NR1D1: variants seen among roughly 807,000 people sequenced by gnomAD.
NR1D1 encodes the protein Rev-ErbAalpha.
A neutral mutation model predicts 51.1 loss-of-function variants in NR1D1; 17 were observed. The ratio of observed to expected loss-of-function variants is 0.33; its 90% confidence interval spans 0.23 to 0.50. The LOEUF (loss-of-function observed/expected upper bound fraction) is 0.50. Among genes scored for constraint, NR1D1 ranks in the 20% least tolerant of loss-of-function variants. The probability of loss-of-function intolerance (pLI) is 0.98; values close to 1 mark genes in which losing one functional copy is unlikely to be tolerated. For synonymous variants in NR1D1, 341 were observed against 333.4 expected (o/e 1.02, Z -0.25); for missense variants, 647 against 830.4 (o/e 0.78, Z 2.71).
intron 6 of NR1D1, 79 bp from the exon 7 acceptor site, chr17:40,094,201 G>A: frequency 7.7e-7 from 1 of 1,297,454 alleles, no homozygotes. Flanking sequence ...TTGCCAGAGG[G>A]TTTAGCGGTG....
chr17:40,095,413 T>C, intron 5 of NR1D1, 31 bp downstream of exon 5: 3 of 1,513,062 alleles, frequency 2.0e-6, no homozygotes, highest in South Asian at 1.3e-5. Context: ...CCCAATCTTC[T>C]TAACGCACTC....
Position 40,093,536 on chromosome 17 carries a change from G to A in NR1D1, c.1646-254C>T. On this transcript the variant is annotated intron_variant, in intron 7 of 7. Transcript: ENST00000246672. The surrounding 1 kb of genome is among the most constrained non-coding windows in gnomAD (Gnocchi z 5.9). ...TAAGACCACCTTCCCTTCCTCAGCA[G>A]GCCAAACATGGCCAGACTCCCTTGC... The A allele has an allele frequency of 8.4e-7, 1 of 1,187,718 alleles. No individual in the cohort carries two copies. Among genetic ancestry groups the A allele is most frequent in the Non-Finnish European group, 1.2e-6 (1 of 867,996 alleles). The allele number at this position is 1,187,718 out of a possible 1,614,324, so 73.6% of individuals were successfully genotyped here. A position where few individuals can be genotyped will look rare whatever the true frequency, so the allele number is the denominator to read the frequency against.
In NR1D1 at chr17:40,100,180, G is replaced by A; in HGVS notation, c.-86C>T. The A allele has an allele frequency of 7.6e-6, 8 of 1,055,108 alleles. No individual in the cohort carries two copies. The highest frequency in any genetic ancestry group is 1.3e-5 in the South Asian group (1 of 79,052). 65.4% of individuals were successfully genotyped at this position (1,055,108 alleles called of 1,614,324 possible). ...TCGCCGCTGTTGCCCCCTGGGCACT[G>A]GCTAAGGGCGGGGAGTGGACCCCGC... On this transcript the variant is annotated 5_prime_UTR_variant, in exon 1 of 8. Coordinates refer to ENST00000246672, the MANE Select transcript of NR1D1 (RefSeq NM_021724.5).
rs200286440 is a variant in NR1D1, at chr17:40,095,785, C to A, written c.907G>T (p.Ala303Ser). 6.2e-7 allele frequency: 1 copy of A among 1,614,034 alleles called. No homozygotes were observed. The highest frequency in any genetic ancestry group is 8.5e-7 in the Non-Finnish European group (1 of 1,180,026). ...ARAHREIFTY[A>S]HDKLGSSPGN... The stretch of plus-strand genomic sequence containing the variant: ...GGTGAGCTGCCCAGCTTGTCATGGG[C>A]GTAGGTGAAGATCTCTCGATGGGCC... Residue 303 changes from alanine (A) to serine (S), a missense_variant, in exon 5 of 8, where the codon GCC becomes TCC. Ala to Ser is a moderately conservative substitution (Grantham distance 99). Around this residue, in one of 7 missense-constraint regions of NR1D1, gnomAD observed 51 missense variants for 75.9 expected, o/e 0.67. Transcript: ENST00000246672.
chr17:40,097,928 CAT>C (rs1389755708), intron 1 of NR1D1, among the ~76,000 whole-genome samples: 1 of 152,156 alleles, frequency 6.6e-6, no homozygotes, highest in African/African-American at 2.4e-5. Flanking sequence ...CAGTTGGGGA[CAT>C]ATATTCTCTG....
chr17:40,092,951 C>CTCA lies in NR1D1; in HGVS notation c.*129_*131dup. On this transcript the variant is annotated 3_prime_UTR_variant, in exon 8 of 8. Transcript: ENST00000246672. Reference sequence around the variant, plus strand: ...ACAAGAAGGCTCAGGGGGCCAGAGGCTCATCTTGGAATATTTTATAACAAT... The same window carrying CTCA: ...ACAAGAAGGCTCAGGGGGCCAGAGGCTCATCATCTTGGAATATTTTATAACAAT... 1 of 1,551,854 alleles carries CTCA rather than the reference C, an allele frequency of 6.4e-7. No homozygotes were observed.
chr17:40,096,940 G>T, intron 2 of NR1D1, 125 bp downstream of exon 2: 1 of 1,191,162 alleles, frequency 8.4e-7, no homozygotes, highest in Non-Finnish European at 1.2e-6. Context: ...AGGGGCTGGT[G>T]CCACTCTAGG....
intron 2 of NR1D1, 141 bp from the exon 3 acceptor site, chr17:40,096,920 T>C: frequency 8.6e-7 from 1 of 1,167,432 alleles, no homozygotes; most frequent in Admixed American, 1.9e-5. Flanking sequence ...GTGACAAAAC[T>C]GGGCTGAAGA....
At chr17:40,094,322 T>C (rs1336733568) in intron 6 of NR1D1, among the ~76,000 whole-genome samples, 200 bp from the exon 7 acceptor site, 1 of 152,178 alleles carries the variant, frequency 6.6e-6, no homozygotes, top group Non-Finnish European at 1.5e-5. Context: ...GTGTCAGCTT[T>C]GTCACTACCT....
chr17:40,097,284 A>G lies in NR1D1; in HGVS notation c.151T>C (p.Tyr51His), dbSNP rs780564280. The G allele has an allele frequency of 1.2e-6, 2 of 1,613,870 alleles. No homozygotes were observed. The highest frequency in any genetic ancestry group is 2.2e-5 in the South Asian group (2 of 91,074). The change falls in exon 2 of 8, where the codon TAC (tyrosine) becomes CAC (histidine). Residue 51 changes from tyrosine (Y) to histidine (H), a missense_variant. Around this residue, in one of 7 missense-constraint regions of NR1D1, gnomAD observed 40 missense variants for 69.0 expected, o/e 0.58. Coordinates refer to ENST00000246672, the MANE Select transcript of NR1D1 (RefSeq NM_021724.5). Reference sequence around the variant, plus strand: ...GAGCCAGTGGGGGATGGTGGGAAGTAGGTGGGACAGCCTTGGGTCAGGGAC... The same window carrying G: ...GAGCCAGTGGGGGATGGTGGGAAGTGGGTGGGACAGCCTTGGGTCAGGGAC... Reference protein sequence around the residue: ...FQSLTQGCPTYFPPSPTGSLT... With the variant: ...FQSLTQGCPTHFPPSPTGSLT...
Position 40,093,934 on chromosome 17 carries a change from G to T in NR1D1, c.1623C>A (p.Thr541=), listed in dbSNP as rs144405133. 2.5e-6 allele frequency: 4 copies of T among 1,613,436 alleles called. No homozygotes were observed. Among genetic ancestry groups the T allele is most frequent in the Non-Finnish European group, 3.4e-6 (4 of 1,180,026 alleles). ...ALTEEELGLF[T]AVVLVSADRS... ...TACCTGCAGAGACAAGCACCACCGCGGTGAAGAGGCCCAGCTCCTCCTCGG... is the reference window on the plus strand; with the variant it reads ...TACCTGCAGAGACAAGCACCACCGCTGTGAAGAGGCCCAGCTCCTCCTCGG... The change falls in exon 7 of 8, where the codon ACC becomes ACA. Residue 541 remains threonine, a synonymous_variant. Coordinates refer to ENST00000246672, the MANE Select transcript of NR1D1 (RefSeq NM_021724.5). This position sits in a 1 kb window ranked among gnomAD's most constrained non-coding sequence, Gnocchi z 5.9.
chr17:40,096,774 T>G lies in NR1D1; in HGVS notation c.376A>C (p.Asn126His), dbSNP rs781295235. 1 of 1,614,150 alleles carries G rather than the reference T, an allele frequency of 6.2e-7. No homozygotes were observed. Among genetic ancestry groups the G allele is most frequent in the Non-Finnish European group, 8.5e-7 (1 of 1,180,018 alleles). ...SKSTSNITKLNGMVLLCKVCG... is the reference protein window; with the variant it reads ...SKSTSNITKLHGMVLLCKVCG... ...ACTTTACACAGTAACACCATGCCAT[T>G]CAGCTCTGTGGAAGAGACGGGCAGC... Residue 126 changes from asparagine (N) to histidine (H), a missense_variant, in exon 3 of 8, where the codon AAT becomes CAT. Around this residue, in one of 7 missense-constraint regions of NR1D1, gnomAD observed 98 missense variants for 94.7 expected, o/e 1.03. Transcript: ENST00000246672.
Position 40,095,100 on chromosome 17 carries a change from G to A in NR1D1, c.1269C>T (p.Tyr423=), listed in dbSNP as rs763257514. ...CCGTTCGCCCACTGCGTCCATGCGG[G>A]TACATGTTCATAGGACATGCCTGGG... is the stretch of plus-strand genomic sequence containing the variant. ...NVLLACPMNM[Y]PHGRSGRTVQ... Residue 423 remains tyrosine (Y), a synonymous_variant, in exon 6 of 8, where the codon TAC becomes TAT. Transcript: ENST00000246672. 3.7e-6 allele frequency: 6 copies of A among 1,613,476 alleles called. No individual in the cohort carries two copies. Among genetic ancestry groups the A allele is most frequent in the Admixed American group, 1.7e-5 (1 of 59,966 alleles).
At chr17:40,095,144 A>G in intron 5 of NR1D1, 24 bp from the exon 6 acceptor site, 1 of 1,602,868 alleles carries the variant, frequency 6.2e-7, no homozygotes, top group Non-Finnish European at 8.5e-7. Context: ...AGATTGAAGG[A>G]GGGGAGTGTC....
At position 40,095,601 on chromosome 17, in the gene NR1D1, G is replaced by A; in HGVS notation, c.1091C>T (p.Ser364Phe). The change falls in exon 5 of 8, where the codon TCC becomes TTC. Residue 364 changes from serine (S) to phenylalanine (F), a missense_variant. By Grantham distance (155) the Ser-to-Phe change is radical. This residue lies in a region of NR1D1 where 185 missense variants were observed against 176.3 expected (regional missense o/e 1.05). Coordinates refer to ENST00000246672, the MANE Select transcript of NR1D1 (RefSeq NM_021724.5). ...GCCAGGAGGCCAGGTGGGAGGGTAG[G>A]AGGAGGGAGCCTGGCGCAGACCATT... Reference protein sequence around the residue: ...ALNGLRQAPSSYPPTWPPGPA... With the variant: ...ALNGLRQAPSFYPPTWPPGPA... The A allele has an allele frequency of 1.9e-6, 3 of 1,611,698 alleles. No homozygotes were observed. The highest frequency in any genetic ancestry group is 2.5e-6 in the Non-Finnish European group (3 of 1,178,684).
rs751801001 is a variant in NR1D1, at chr17:40,097,175, G to A, written c.260C>T (p.Ser87Leu). The stretch of plus-strand genomic sequence containing the variant: ...ATAGAAGGAGGAGGAGGATGACGAC[G>A]AGGAAGATGAGGAAGAAGGGGAGCC... Reference protein sequence around the residue: ...DDGSPSSSSSSSSSSSSFYNG... With the variant: ...DDGSPSSSSSLSSSSSSFYNG... Residue 87 changes from serine (S) to leucine (L), a missense_variant, in exon 2 of 8, where the codon TCG becomes TTG. Transcript: ENST00000246672. 20 of 1,611,562 alleles carry A rather than the reference G, an allele frequency of 1.2e-5. No homozygotes were observed. The highest frequency in any genetic ancestry group is 2.2e-5 in the East Asian group (1 of 44,842).
chr17:40,096,981 C>G, intron 2 of NR1D1, 84 bp downstream of exon 2: 1 of 1,371,478 alleles, frequency 7.3e-7, no homozygotes, highest in Admixed American at 2.0e-5. Flanking sequence ...TAGGTCCTGG[C>G]AAGACTGGTG....
rs1020956844 is a variant in NR1D1 at position 40,093,646 on chromosome 17, A to G, written c.1645+266T>C. Reference sequence around the variant, plus strand: ...ATCTTACTTGTCCTTTGAGGCCCCAACTCAAGTGTCACCTCCTTCCCCAGC... The same window carrying G: ...ATCTTACTTGTCCTTTGAGGCCCCAGCTCAAGTGTCACCTCCTTCCCCAGC... On this transcript the variant is annotated intron_variant, in intron 7 of 7. Transcript: ENST00000246672. The surrounding 1 kb of genome is among the most constrained non-coding windows in gnomAD (Gnocchi z 5.9). 10 of 657,830 alleles carry G rather than the reference A, an allele frequency of 1.5e-5. No individual in the cohort carries two copies. The highest frequency in any genetic ancestry group is 2.9e-5 in the Admixed American group (1 of 34,010). The allele number at this position is 657,830 out of a possible 1,614,324, so 40.7% of individuals were successfully genotyped here. A position where few individuals can be genotyped will look rare whatever the true frequency, so the allele number is the denominator to read the frequency against.
rs202137818 is a variant in NR1D1, at chr17:40,094,141, A to C, written c.1435-19T>G. 1.1e-5 allele frequency: 17 copies of C among 1,611,086 alleles called. No homozygotes were observed. In the African/African-American group the frequency reaches 2.3e-4, roughly 22 times the overall value. Reference sequence around the variant, plus strand: ...TCAGCACCTAGGAGGGAAGGGGAACAGTCATCCTGGGTGTGGTGGGAGGAG... The same window carrying C: ...TCAGCACCTAGGAGGGAAGGGGAACCGTCATCCTGGGTGTGGTGGGAGGAG... On this transcript the variant is annotated intron_variant, in intron 6 of 7. Transcript: ENST00000246672.
Sources: gnomAD v4.1 joint callset for allele counts (sites outside exome capture counted in the v4.1 genomes callset) on GRCh38, gnomAD v4.1.1 for gene constraint, gnomAD v4.1.1 regional missense constraint, Gnocchi (gnomAD v3.1) non-coding constraint, MANE v1.5 for transcripts, NCBI Gene and HGNC (gene_info 2026-07-23, HGNC 2026-07-21) for gene names.